AIRE: variants seen among roughly 807,000 people sequenced by gnomAD.
The protein encoded by AIRE is autoimmune regulator.
In AIRE, 52 loss-of-function variants were observed where a neutral mutation model predicts 62.1. That is an observed-to-expected ratio of 0.84 (90% CI 0.67 to 1.06). The LOEUF (loss-of-function observed/expected upper bound fraction) is 1.06, where lower values mean the gene tolerates loss of function less well. Ranked by LOEUF, AIRE falls within the 50% of genes least tolerant of loss-of-function variation. The pLI, the probability that AIRE is intolerant of heterozygous loss-of-function variation, is 0.00. For missense variants in AIRE, 774 were observed against 755.8 expected, an observed-to-expected ratio of 1.02 and a Z score of -0.28; for synonymous variants, 342 against 321.6, an observed-to-expected ratio of 1.06 and a Z score of -0.68.
chr21:44,295,459 A>G (rs988196916), intron 12 of AIRE, among the ~76,000 whole-genome samples: 3 of 152,080 alleles, frequency 2.0e-5, no homozygotes, highest in African/African-American at 7.3e-5. Context: ...TCCTTCTAGA[A>G]GCCTCCCTCC....
chr21:44,294,440 C>T lies in AIRE; in HGVS notation c.1440C>T (p.Thr480=), dbSNP rs1402478750. 2.5e-6 allele frequency: 4 copies of T among 1,576,648 alleles called. No homozygotes were observed. The highest frequency in any genetic ancestry group is 3.4e-6 in the Non-Finnish European group (4 of 1,169,028). ...GCAGATCCTGCTCAGGAGACGTGAC[C>T]CCAGCCCCTGTGGAGGGGGTGCTGG... ...LRCRSCSGDV[T]PAPVEGVLAP... is the part of the protein sequence containing the mutation. Residue 480 remains threonine (T), a synonymous_variant, in exon 12 of 14, where the codon ACC becomes ACT. Transcript: ENST00000291582.
Position 44,288,405 on chromosome 21 carries a change from C to G in AIRE, c.599C>G (p.Pro200Arg). The G allele has an allele frequency of 6.2e-7, 1 of 1,612,758 alleles. No homozygotes were observed. The highest frequency in any genetic ancestry group is 8.5e-7 in the Non-Finnish European group (1 of 1,179,664). The change falls in exon 5 of 14, where the codon CCG becomes CGG. Residue 200 changes from proline (P) to arginine (R), a missense_variant. By Grantham distance (103) the Pro-to-Arg change is moderately radical (BLOSUM62 -2). This residue lies in a region of AIRE where 385 missense variants were observed against 396.0 expected (regional missense o/e 0.97). Coordinates refer to ENST00000291582, the MANE Select transcript of AIRE (RefSeq NM_000383.4). Reference sequence around the variant, plus strand: ...GTGGCCATGTCCTCCGGGGACGTCCCGGGAGCCCGAGGGGCCGTGGAGGGG... The same window carrying G: ...GTGGCCATGTCCTCCGGGGACGTCCGGGGAGCCCGAGGGGCCGTGGAGGGG... ...RAVAMSSGDVPGARGAVEGIL... is the reference protein window; with the variant it reads ...RAVAMSSGDVRGARGAVEGIL...
intron 5 of AIRE, chr21:44,289,306 G>A: frequency 3.1e-6 from 1 of 326,870 alleles, no homozygotes; most frequent in Non-Finnish European, 5.7e-6. Context: ...TGCTTCTGTG[G>A]TCTCACAGCT....
rs56283985 is a variant in AIRE, at chr21:44,293,597, G to C, written c.1279-192G>C. Reference sequence around the variant, plus strand: ...GCAGCAGCCTGAGGGTGCTTGGGTCGCCCCTGCCTCCTGGGGATGGGACTG... The same window carrying C: ...GCAGCAGCCTGAGGGTGCTTGGGTCCCCCCTGCCTCCTGGGGATGGGACTG... On this transcript the variant is annotated intron_variant, in intron 10 of 13. Coordinates refer to ENST00000291582, the MANE Select transcript of AIRE (RefSeq NM_000383.4). Among the ~76,000 whole-genome samples, 550 of 152,200 alleles carry C rather than the reference G, an allele frequency of 3.6e-3. 3 individuals are homozygous for C. Among genetic ancestry groups the C allele is most frequent in the South Asian group, 0.012 (56 of 4,828 alleles).
At position 44,294,415 on chromosome 21, in the gene AIRE, G is replaced by A. The variant is rs1369334124; in HGVS notation, c.1415G>A (p.Cys472Tyr). Residue 472 changes from cysteine (C) to tyrosine (Y), a missense_variant, in exon 12 of 14, where the codon TGC becomes TAC. By Grantham distance (194) the Cys-to-Tyr change is radical. Around this residue, in one of 3 missense-constraint regions of AIRE, gnomAD observed 354 missense variants for 296.1 expected, o/e 1.20. Transcript: ENST00000291582. ...GTSRPGTGLR[C>Y]RSCSGDVTPA... is the part of the protein sequence containing the mutation. The stretch of plus-strand genomic sequence containing the variant: ...CTCTGCTGCAGGACGGGCCTGCGCT[G>A]CAGATCCTGCTCAGGAGACGTGACC... 6.3e-7 allele frequency: 1 copy of A among 1,576,990 alleles called. No homozygotes were observed. The highest frequency in any genetic ancestry group is 8.6e-7 in the Non-Finnish European group (1 of 1,169,256).
intron 9 of AIRE, among the ~76,000 whole-genome samples, chr21:44,292,666 G>A (rs1047913716): frequency 1.3e-5 from 2 of 152,166 alleles, no homozygotes; most frequent in African/African-American, 4.8e-5. Flanking sequence ...CATTGATAAC[G>A]GCCCCGGAAG....
chr21:44,294,344 C>T lies in AIRE; in HGVS notation c.1401-57C>T, dbSNP rs774749826. On this transcript the variant is annotated intron_variant, in intron 11 of 13. Coordinates refer to ENST00000291582, the MANE Select transcript of AIRE (RefSeq NM_000383.4). ...CGCCCACACCCCACACCCCATACCC[C>T]GGAGGTGGCACTCCTGCTCCCCCCC... 7.0e-4 allele frequency: 858 copies of T among 1,228,076 alleles called. 3 individuals carry two copies. Among genetic ancestry groups the T allele is most frequent in the Non-Finnish European group, 8.5e-4 (746 of 875,450 alleles). The allele number at this position is 1,228,076 out of a possible 1,614,324, so 76.1% of individuals were successfully genotyped here.
intron 9 of AIRE, 147 bp from the exon 10 acceptor site, chr21:44,292,846 T>TCCACCATGCCAGCCCTCCGTCC: frequency 1.5e-6 from 1 of 684,172 alleles, no homozygotes; most frequent in Non-Finnish European, 2.6e-6. Flanking sequence ...GTGGACGCCT[T>TCCACCATGCCAGCCCTCCGTCC]CCACCATGCC....
Position 44,294,458 on chromosome 21 carries a change from G to A in AIRE, c.1458G>A (p.Gly486=), listed in dbSNP as rs774298250. ...ACGTGACCCCAGCCCCTGTGGAGGG[G>A]GTGCTGGCCCCCAGCCCCGCCCGCC... ...SGDVTPAPVE[G]VLAPSPARLA... The change falls in exon 12 of 14, where the codon GGG becomes GGA. Residue 486 remains glycine (G), a synonymous_variant. Coordinates refer to ENST00000291582, the MANE Select transcript of AIRE (RefSeq NM_000383.4). The A allele has an allele frequency of 1.5e-5, 23 of 1,564,402 alleles. No homozygotes were observed. Among genetic ancestry groups the A allele is most frequent in the Admixed American group, 1.3e-4 (7 of 55,630 alleles).
chr21:44,290,667 G>A, intron 7 of AIRE: 1 of 1,213,186 alleles, frequency 8.2e-7, no homozygotes, highest in Admixed American at 2.4e-5. Context: ...AGTGGTACCT[G>A]GGAGACCCCT....
In AIRE at chr21:44,290,023, C is replaced by T. The variant is rs1800520; in HGVS notation, c.834C>T (p.Ser278=). 16 of 1,610,262 alleles carry T rather than the reference C, an allele frequency of 9.9e-6. No individual in the cohort carries two copies. Among genetic ancestry groups the T allele is most frequent in the African/African-American group, 2.7e-5 (2 of 74,844 alleles). ...AGGCTAGGCTGGGCCAGCAGGGCAGCGTTCCCGCCCCTCTGGCCCTCCCCA... is the reference window on the plus strand; with the variant it reads ...AGGCTAGGCTGGGCCAGCAGGGCAGTGTTCCCGCCCCTCTGGCCCTCCCCA... The part of the protein sequence containing the change: ...GGEARLGQQG[S]VPAPLALPSD... Residue 278 remains serine (S), a synonymous_variant, in exon 7 of 14, where the codon AGC becomes AGT. Transcript: ENST00000291582.
At chr21:44,296,361 T>A (rs1379670917) in intron 12 of AIRE, 22 bp from the exon 13 acceptor site, 1 of 1,608,912 alleles carries the variant, frequency 6.2e-7, no homozygotes, top group Non-Finnish European at 8.5e-7. Flanking sequence ...TGGGCTGACC[T>A]CTTCTCTTTA....
At position 44,292,399 on chromosome 21, in the gene AIRE, C is replaced by A; in HGVS notation, c.1093C>A (p.Pro365Thr). The part of the protein sequence containing the change: ...PRPQEPPVET[P>T]LPPGLRSAGE... ...GCCCCAGGAGCCACCCGTGGAGACC[C>A]CGGTATGGCCACGCCCCCTCCTAGC... The change falls in exon 9 of 14, where the codon CCG (proline) becomes ACG (threonine). Residue 365 changes from proline (P) to threonine (T), a missense_variant and splice_region_variant. Pro to Thr is a conservative substitution (Grantham distance 38). Transcript: ENST00000291582. The A allele has an allele frequency of 6.5e-7, 1 of 1,549,892 alleles. No individual in the cohort carries two copies. Among genetic ancestry groups the A allele is most frequent in the Non-Finnish European group, 8.7e-7 (1 of 1,146,558 alleles).
At chr21:44,292,156 T>G (rs2040547778) in intron 8 of AIRE, 146 bp from the exon 9 acceptor site, 1 of 738,936 alleles carries the variant, frequency 1.4e-6, no homozygotes. Context: ...TCTCCCTTCC[T>G]GTGTCTCTGC....
intron 9 of AIRE, 95 bp from the exon 10 acceptor site, chr21:44,292,898 G>GCCAGGCCT: frequency 8.2e-7 from 1 of 1,223,374 alleles, no homozygotes. Context: ...CCCCCACCCT[G>GCCAGGCCT]CTGCCCTGGG....
At chr21:44,289,114 T>C (rs1343980277) in intron 5 of AIRE, 2 of 166,780 alleles carry the variant, frequency 1.2e-5, no homozygotes, top group African/African-American at 2.4e-5. Flanking sequence ...AGGCTGTTGG[T>C]TAAATTGGCA....
chr21:44,296,332 C>T lies in AIRE; in HGVS notation c.1504-51C>T, dbSNP rs1201479783. On this transcript the variant is annotated intron_variant, in intron 12 of 13. Transcript: ENST00000291582. ...CCTAGGCCCTGCGGCCTCTGTACCC[C>T]CACCAGGGCTGTGGGAGTTGGGCTG... 8 of 1,538,516 alleles carry T rather than the reference C, an allele frequency of 5.2e-6. No homozygotes were observed. The African/African-American group carries it at 5.5e-5, about 11-fold the overall frequency.
rs543071063 is a variant in AIRE, at chr21:44,296,939, G to A, written c.1566+494G>A. Among the ~76,000 whole-genome samples, 5 of 147,022 alleles carry A rather than the reference G, an allele frequency of 3.4e-5. No individual in the cohort carries two copies. In the East Asian group the frequency reaches 1.0e-3, roughly 30 times the overall value. ...CTGTGGGGAAAATGTGACTTTTAAG[G>A]GCTCTGTCTGTTTTTGCCAAGAGGA... On this transcript the variant is annotated intron_variant, in intron 13 of 13. Transcript: ENST00000291582.
chr21:44,294,863 C>G (rs1390012746), intron 12 of AIRE, among the ~76,000 whole-genome samples: 1 of 152,072 alleles, frequency 6.6e-6, no homozygotes. Context: ...CTGTCTGACC[C>G]CTCCAGGTTG....
Sources: allele counts gnomAD v4.1 joint callset (sites outside exome capture counted in the v4.1 genomes callset), GRCh38; gene constraint gnomAD v4.1.1; regional missense constraint gnomAD v4.1.1; transcripts MANE v1.5; gene names NCBI Gene and HGNC (gene_info 2026-07-23, HGNC 2026-07-21).